ADCY9: variants seen among roughly 807,000 people sequenced by gnomAD.
ADCY9 encodes adenylate cyclase 9.
A neutral mutation model predicts 101.5 loss-of-function variants in ADCY9; 50 were observed. That is an observed-to-expected ratio of 0.49 (90% CI 0.39 to 0.62). The LOEUF (loss-of-function observed/expected upper bound fraction) is 0.62, where lower values mean the gene tolerates loss of function less well. Among genes scored for constraint, ADCY9 ranks in the 20% least tolerant of loss-of-function variants. The pLI is 0.00. For synonymous variants in ADCY9, 905 were observed against 769.3 expected (o/e 1.18, Z -2.92); for missense variants, 1,662 against 1,800.4 (o/e 0.92, Z 1.39).
Position 4,114,039 on chromosome 16 carries a change from G to A in ADCY9, c.1404C>T (p.Gly468=). 1.9e-6 allele frequency: 3 copies of A among 1,613,830 alleles called. No individual in the cohort carries two copies. Among genetic ancestry groups the A allele is most frequent in the Non-Finnish European group, 2.5e-6 (3 of 1,180,044 alleles). Reference sequence around the variant, plus strand: ...AGAACTGCTCGATGGCCTTGATCATGCCCAGGCCCATCTCGATGCAGCAGT... The same window carrying A: ...AGAACTGCTCGATGGCCTTGATCATACCCAGGCCCATCTCGATGCAGCAGT... ...HAYCCIEMGL[G]MIKAIEQFCQ... is the part of the protein sequence containing the mutation. The change falls in exon 2 of 11, where the codon GGC becomes GGT. Residue 468 remains glycine, a synonymous_variant. Coordinates refer to ENST00000294016, the MANE Select transcript of ADCY9 (RefSeq NM_001116.4). This position sits in a 1 kb window ranked among gnomAD's most constrained non-coding sequence, Gnocchi z 4.3.
At chr16:4,074,451 T>C (rs1426498267) in intron 2 of ADCY9, among the ~76,000 whole-genome samples, 1 of 151,678 alleles carries the variant, frequency 6.6e-6, no homozygotes, top group East Asian at 1.9e-4. Flanking sequence ...TCCCAGCACT[T>C]TGGGAGGTAG....
At chr16:4,051,218 A>T (rs1040042830) in intron 2 of ADCY9, among the ~76,000 whole-genome samples, 2 of 151,838 alleles carry the variant, frequency 1.3e-5, no homozygotes, top group African/African-American at 4.8e-5. Context: ...ATCTCAAAAA[A>T]AACAAAAACA....
At chr16:4,049,452 T>C (rs2056686897) in intron 2 of ADCY9, among the ~76,000 whole-genome samples, 1 of 152,112 alleles carries the variant, frequency 6.6e-6, no homozygotes, top group South Asian at 2.1e-4. Context: ...AGCCCAAGGA[T>C]GCTGGCTAAT....
rs1219887359 is a variant in ADCY9, at chr16:3,992,038, T to A, written c.2207+108A>T. The A allele has an allele frequency of 3.5e-5, 40 of 1,144,936 alleles. No homozygotes were observed. In the South Asian group the frequency reaches 5.4e-4, roughly 16 times the overall value. The allele number at this position is 1,144,936 out of a possible 1,614,324, so 70.9% of individuals were successfully genotyped here. Reference sequence around the variant, plus strand: ...GTGAGCCAAGATCGCGCCACTGCACTGCAGCCTGGATGACAGAGCGAGACT... The same window carrying A: ...GTGAGCCAAGATCGCGCCACTGCACAGCAGCCTGGATGACAGAGCGAGACT... On this transcript the variant is annotated intron_variant, in intron 5 of 10. Coordinates refer to ENST00000294016, the MANE Select transcript of ADCY9 (RefSeq NM_001116.4). This position sits in a 1 kb window ranked among gnomAD's most constrained non-coding sequence, Gnocchi z 4.2.
intron 6 of ADCY9, among the ~76,000 whole-genome samples, chr16:3,985,681 C>T (rs2056186199): frequency 6.6e-6 from 1 of 152,178 alleles, no homozygotes; most frequent in Non-Finnish European, 1.5e-5. Context: ...GGCTCGGGTA[C>T]AGGGCCTTTC....
chr16:4,082,676 C>G (rs1205548846), intron 2 of ADCY9, among the ~76,000 whole-genome samples: 1 of 148,418 alleles, frequency 6.7e-6, no homozygotes, highest in Non-Finnish European at 1.5e-5. Flanking sequence ...CCATGCACAC[C>G]CATGCATGCA....
In ADCY9 at chr16:3,966,028, A is replaced by G. The variant is rs538118003; in HGVS notation, c.3809T>C (p.Ile1270Thr). The G allele has an allele frequency of 3.7e-6, 6 of 1,614,212 alleles. No individual in the cohort carries two copies. The highest frequency in any genetic ancestry group is 3.3e-4 in the Middle Eastern group (2 of 6,062). Residue 1270 changes from isoleucine (I) to threonine (T), a missense_variant, in exon 11 of 11, where the codon ATC becomes ACC. By Grantham distance (89) the Ile-to-Thr change is moderately conservative (BLOSUM62 -1). Coordinates refer to ENST00000294016, the MANE Select transcript of ADCY9 (RefSeq NM_001116.4). ...PDIRVQVDGSIGRSPTDEIAN... is the reference protein window; with the variant it reads ...PDIRVQVDGSTGRSPTDEIAN... ...AATCTCGTCTGTGGGAGACCGTCCG[A>G]TGCTGCCATCCACCTGGACGCGGAT...
At chr16:4,107,174 G>A (rs1238971595) in intron 2 of ADCY9, among the ~76,000 whole-genome samples, 1 of 152,206 alleles carries the variant, frequency 6.6e-6, no homozygotes, top group Non-Finnish European at 1.5e-5. Context: ...CAGCTGTGGA[G>A]GGGAACTGTG....
intron 2 of ADCY9, among the ~76,000 whole-genome samples, chr16:4,053,059 T>A (rs1427999236): frequency 6.6e-6 from 1 of 152,216 alleles, no homozygotes. Flanking sequence ...TGGCATAGTT[T>A]TAAGATGTTT....
chr16:3,987,964 C>A (rs72762731), intron 6 of ADCY9, among the ~76,000 whole-genome samples: 1 of 151,868 alleles, frequency 6.6e-6, no homozygotes, highest in African/African-American at 2.4e-5. Flanking sequence ...CACTTGTGAG[C>A]GCTGGGACTC....
At chr16:3,980,126 C>G (rs1006739788) in intron 7 of ADCY9, among the ~76,000 whole-genome samples, 10 of 152,266 alleles carry the variant, frequency 6.6e-5, no homozygotes, top group African/African-American at 2.4e-4. Context: ...GGCTTCAGGA[C>G]TCTCCAGACA....
intron 2 of ADCY9, among the ~76,000 whole-genome samples, chr16:4,023,866 C>T (rs747174731): frequency 7.3e-5 from 11 of 151,648 alleles, no homozygotes; most frequent in Middle Eastern, 3.4e-3. Context: ...GCCGAGATTA[C>T]GCCACTGCAC....
At chr16:3,969,004 C>T (rs551947876) in intron 10 of ADCY9, among the ~76,000 whole-genome samples, 1 of 152,238 alleles carries the variant, frequency 6.6e-6, no homozygotes, top group South Asian at 2.1e-4. Flanking sequence ...CGCCACCATG[C>T]CCAGATTATT....
downstream of ADCY9, among the ~76,000 whole-genome samples, chr16:3,958,174 C>T (rs2055917908): frequency 6.6e-6 from 1 of 152,088 alleles, no homozygotes; most frequent in Non-Finnish European, 1.5e-5. Flanking sequence ...CCAACCCAAG[C>T]CAGTGTTTGT....
At position 4,053,463 on chromosome 16, in the gene ADCY9, G is replaced by C. The variant is rs367601379; in HGVS notation, c.1694-45905C>G. On this transcript the variant is annotated intron_variant, in intron 2 of 10. Coordinates refer to ENST00000294016, the MANE Select transcript of ADCY9 (RefSeq NM_001116.4). ...AACAGCAGTTGGCAGTGTCCCCAGA[G>C]CACTTGCCCTTCCTCTGGAGCGCTT... Among the ~76,000 whole-genome samples, 12 of 152,292 alleles carry C rather than the reference G, an allele frequency of 7.9e-5. No individual in the cohort carries two copies. In the East Asian group the frequency reaches 1.5e-3, roughly 20 times the overall value.
intron 2 of ADCY9, among the ~76,000 whole-genome samples, chr16:4,043,361 G>A (rs898479579): frequency 2.0e-5 from 3 of 151,680 alleles, no homozygotes; most frequent in African/African-American, 2.4e-5. Flanking sequence ...AATCAGAAGC[G>A]GTTCCCTCGT....
intron 10 of ADCY9, among the ~76,000 whole-genome samples, chr16:3,973,877 T>C (rs2056072481): frequency 6.6e-6 from 1 of 152,222 alleles, no homozygotes; most frequent in South Asian, 2.1e-4. Context: ...TTTGTAAGCC[T>C]GGAAAGTTAT....
chr16:4,001,311 C>T (rs71388552), intron 3 of ADCY9, among the ~76,000 whole-genome samples: 7,935 of 152,210 alleles, frequency 0.052, 275 homozygotes, highest in Non-Finnish European at 0.084. Context: ...GGCCCTGCTG[C>T]GTTTGAAGTC....
In ADCY9 at chr16:4,114,494, T is replaced by C. The variant is rs568140024; in HGVS notation, c.949A>G (p.Ile317Val). Reference protein sequence around the residue: ...RSTFLKVGQSIMHGKDLEVEK... With the variant: ...RSTFLKVGQSVMHGKDLEVEK... ...ACTTCCAGGTCCTTCCCGTGCATAATGGATTGCCCCACCTTGAGGAAGGTG... is the reference window on the plus strand; with the variant it reads ...ACTTCCAGGTCCTTCCCGTGCATAACGGATTGCCCCACCTTGAGGAAGGTG... The change falls in exon 2 of 11, where the codon ATT becomes GTT. Residue 317 changes from isoleucine to valine, a missense_variant. This residue lies in a region of ADCY9 where 228 missense variants were observed against 301.1 expected (regional missense o/e 0.76). Transcript: ENST00000294016. This position sits in a 1 kb window ranked among gnomAD's most constrained non-coding sequence, Gnocchi z 4.3. 1.9e-6 allele frequency: 3 copies of C among 1,614,166 alleles called. No homozygotes were observed. Among genetic ancestry groups the C allele is most frequent in the Admixed American group, 3.3e-5 (2 of 60,022 alleles).
Sources: gnomAD v4.1 joint callset for allele counts (sites outside exome capture counted in the v4.1 genomes callset) on GRCh38, gnomAD v4.1.1 for gene constraint, gnomAD v4.1.1 regional missense constraint, Gnocchi (gnomAD v3.1) non-coding constraint, MANE v1.5 for transcripts, NCBI Gene and HGNC (gene_info 2026-07-23, HGNC 2026-07-21) for gene names.